The following RNF115 variants were observed in gnomAD, a reference collection of about 807,000 sequenced individuals.
RNF115 encodes E3 ubiquitin-protein ligase RNF115.
In RNF115, 31 loss-of-function variants were observed where a neutral mutation model predicts 39.2. The ratio of observed to expected loss-of-function variants is 0.79; its 90% CI spans 0.59 to 1.07. RNF115 has a LOEUF of 1.07. Among genes scored for constraint, RNF115 ranks in the 50% least tolerant of loss-of-function variants. The pLI, the probability that RNF115 is intolerant of heterozygous loss-of-function variation, is 0.00. For missense variants in RNF115, 384 were observed against 381.7 expected, an observed-to-expected ratio of 1.01 and a Z score of -0.05; for synonymous variants, 124 against 131.0, an observed-to-expected ratio of 0.95 and a Z score of 0.37.
rs782760838 is a variant in RNF115, at chr1:145,788,812, G to A, written c.161+96C>T. ...CTCACTCTCGCTCTCTCTGTAGAGT[G>A]TAAGTTGTAAAACAAATTCAACTTA... is the stretch of plus-strand genomic sequence containing the variant. On this transcript the variant is annotated intron_variant, in intron 2 of 8. Transcript: ENST00000582693. The A allele has an allele frequency of 3.9e-5, 35 of 891,484 alleles. 1 individual carries two copies. The highest frequency in any genetic ancestry group is 3.3e-4 in the African/African-American group (20 of 61,390). The allele number at this position is 891,484 out of a possible 1,614,324, so 55.2% of individuals were successfully genotyped here.
At chr1:145,789,116 T>C in intron 1 of RNF115, 150 bp from the exon 2 acceptor site, 2 of 576,658 alleles carry the variant, frequency 3.5e-6, no homozygotes, top group South Asian at 2.1e-5. Context: ...TTTTTTTTCT[T>C]TTGTGAGACA....
intron 2 of RNF115, among the ~76,000 whole-genome samples, chr1:145,785,259 C>T (rs1209589341): frequency 1.3e-5 from 2 of 152,152 alleles, no homozygotes; most frequent in Non-Finnish European, 2.9e-5. Context: ...CCATTTCCCT[C>T]CTTCATTAAT....
chr1:145,761,832 A>G (rs587606044), intron 4 of RNF115, among the ~76,000 whole-genome samples: 1 of 152,340 alleles, frequency 6.6e-6, no homozygotes, highest in Non-Finnish European at 1.5e-5. Context: ...TGGAAAAGCC[A>G]CAGACACTCA....
chr1:145,772,471 T>C (rs183755282), intron 3 of RNF115: 3 of 152,628 alleles, frequency 2.0e-5, no homozygotes, highest in East Asian at 3.8e-4. Flanking sequence ...TTCTTCTTAA[T>C]TCCTGAAGGA....
At chr1:145,792,638 G>A (rs1648728685) in intron 1 of RNF115, among the ~76,000 whole-genome samples, 1 of 152,132 alleles carries the variant, frequency 6.6e-6, no homozygotes, top group Non-Finnish European at 1.5e-5. Flanking sequence ...TTGCCTGGGG[G>A]AACTAGGGAA....
intron 1 of RNF115, among the ~76,000 whole-genome samples, chr1:145,797,752 G>A: frequency 6.6e-6 from 1 of 152,130 alleles, no homozygotes; most frequent in Non-Finnish European, 1.5e-5. Context: ...CCATTTTACA[G>A]TCCCAACAGT....
intron 4 of RNF115, among the ~76,000 whole-genome samples, chr1:145,760,043 C>G (rs1332564383): frequency 2.0e-5 from 3 of 152,178 alleles, no homozygotes; most frequent in Non-Finnish European, 4.4e-5. Flanking sequence ...TCCATTAGTA[C>G]TTAAGCTCCA....
intron 1 of RNF115, among the ~76,000 whole-genome samples, chr1:145,815,301 T>C (rs1553723377): frequency 6.6e-6 from 1 of 152,304 alleles, no homozygotes; most frequent in Admixed American, 6.5e-5. Context: ...CTACATAGTT[T>C]CTTCAGGTGG....
intron 4 of RNF115, among the ~76,000 whole-genome samples, 191 bp downstream of exon 4, chr1:145,771,520 T>TA (rs1334353739): frequency 6.6e-6 from 1 of 152,210 alleles, no homozygotes; most frequent in Admixed American, 6.6e-5. Context: ...ATCAGAGACA[T>TA]AGCATTTCTC....
At chr1:145,753,163 G>T (rs113595993) in intron 4 of RNF115, 114 bp from the exon 5 acceptor site, 7 of 681,652 alleles carry the variant, frequency 1.0e-5, no homozygotes, top group African/African-American at 3.6e-5. Context: ...CTTTTCATTG[G>T]CTAGTACACA....
intron 5 of RNF115, among the ~76,000 whole-genome samples, chr1:145,752,452 C>A (rs1658120457): frequency 6.6e-6 from 1 of 152,054 alleles, no homozygotes; most frequent in African/African-American, 2.4e-5. Flanking sequence ...AGCACCCAAA[C>A]ATCCTGGGGG....
At chr1:145,790,626 T>C (rs1228402756) in intron 1 of RNF115, among the ~76,000 whole-genome samples, 6 of 151,788 alleles carry the variant, frequency 4.0e-5, no homozygotes, top group Admixed American at 3.9e-4. Flanking sequence ...GAGACGGGGT[T>C]TTACCATGTT....
intron 1 of RNF115, among the ~76,000 whole-genome samples, chr1:145,795,513 T>TTAC (rs1424592242): frequency 6.6e-6 from 1 of 152,082 alleles, no homozygotes; most frequent in Non-Finnish European, 1.5e-5. Flanking sequence ...ATTAGTGTGT[T>TTAC]TACAATCCTT....
chr1:145,770,047 T>C (rs1224907244), intron 4 of RNF115, among the ~76,000 whole-genome samples: 3 of 152,152 alleles, frequency 2.0e-5, no homozygotes, highest in Admixed American at 6.5e-5. Context: ...TAGTGCTCCT[T>C]GACAAAGCAG....
At chr1:145,799,118 G>A (rs587738749) in intron 1 of RNF115, among the ~76,000 whole-genome samples, 62 of 151,132 alleles carry the variant, frequency 4.1e-4, no homozygotes, top group African/African-American at 1.5e-3. Context: ...ACCAGGCTGG[G>A]GTGCAGTGGC....
chr1:145,815,441 T>A (rs1553723399), intron 1 of RNF115, among the ~76,000 whole-genome samples: 1 of 152,264 alleles, frequency 6.6e-6, no homozygotes, highest in African/African-American at 2.4e-5. Flanking sequence ...TGCATATGAT[T>A]TATCTCACCT....
intron 1 of RNF115, among the ~76,000 whole-genome samples, chr1:145,792,992 C>G (rs1274662398): frequency 6.6e-6 from 1 of 152,152 alleles, no homozygotes; most frequent in Middle Eastern, 3.2e-3. Context: ...CCTACCCTCC[C>G]AGAAAGCTGC....
rs1480347150 is a variant in RNF115, at chr1:145,744,479, G to A, written c.*2387C>T. On this transcript the variant is annotated 3_prime_UTR_variant, in exon 9 of 9. Coordinates refer to ENST00000582693, the MANE Select transcript of RNF115 (RefSeq NM_014455.4). ...TATTTTATTCCCTCTGGGCCCAAAT[G>A]AATCATACTTTCTGGTCACAACTTT... The A allele has an allele frequency of 6.6e-6, 1 of 152,170 alleles. No homozygotes were observed. The highest frequency in any genetic ancestry group is 2.4e-5 in the African/African-American group (1 of 41,438). 9.4% of individuals were successfully genotyped at this position (152,170 alleles called of 1,614,324 possible).
chr1:145,811,908 A>AAAAAAAAAAAAT (rs1553722706), intron 1 of RNF115, among the ~76,000 whole-genome samples: 1 of 55,152 alleles, frequency 1.8e-5, no homozygotes, highest in South Asian at 6.8e-4. Flanking sequence ...AAAAAAAAAA[A>AAAAAAAAAAAAT]ATATATATAT....
Sources: allele counts gnomAD v4.1 joint callset (sites outside exome capture counted in the v4.1 genomes callset), GRCh38; gene constraint gnomAD v4.1.1; transcripts MANE v1.5; gene names NCBI Gene and HGNC (gene_info 2026-07-23, HGNC 2026-07-21).